The following RHEB variants were observed in gnomAD, a reference collection of about 807,000 sequenced individuals.
RHEB encodes the protein Ras homolog, mTORC1 binding.
RHEB carries 2 observed loss-of-function variants against 28.8 expected under a neutral mutation model. That is an observed-to-expected ratio of 0.07 (90% CI 0.03 to 0.22). RHEB has a LOEUF of 0.22. Among genes scored for constraint, RHEB ranks in the 10% least tolerant of loss-of-function variants. RHEB has a pLI of 1.00. For synonymous variants in RHEB, 69 were observed against 77.3 expected (o/e 0.89, Z 0.56); for missense variants, 76 against 219.9 (o/e 0.35, Z 4.14).
chr7:151,517,166 C>T (rs1242780224), intron 1 of RHEB, among the ~76,000 whole-genome samples: 1 of 152,114 alleles, frequency 6.6e-6, no homozygotes, highest in African/African-American at 2.4e-5. Flanking sequence ...GCGTTTGAGA[C>T]AAGCCTGACG....
chr7:151,490,730 T>C (rs917793140), intron 2 of RHEB, among the ~76,000 whole-genome samples: 2 of 152,214 alleles, frequency 1.3e-5, no homozygotes, highest in Admixed American at 6.5e-5. Flanking sequence ...TCCTACTGAC[T>C]TGAATTAATA....
chr7:151,517,369 G>GAAAA (rs1563103629), intron 1 of RHEB, among the ~76,000 whole-genome samples: 2 of 52,048 alleles, frequency 3.8e-5, no homozygotes, highest in Admixed American at 4.7e-4. Flanking sequence ...ACTCCGTCTC[G>GAAAA]GAAAAAAAAA....
At chr7:151,478,912 C>T (rs192066493) in intron 3 of RHEB, among the ~76,000 whole-genome samples, 4 of 151,808 alleles carry the variant, frequency 2.6e-5, no homozygotes, top group East Asian at 1.9e-4. Context: ...TGGGATTACA[C>T]GTGTGAGCCA....
intron 1 of RHEB, among the ~76,000 whole-genome samples, chr7:151,511,372 C>T (rs570489307): frequency 2.6e-5 from 4 of 152,270 alleles, no homozygotes; most frequent in African/African-American, 9.6e-5. Flanking sequence ...AAGAGAAATG[C>T]GGGAGAGAAA....
rs1802709163 is a variant in RHEB at position 151,498,303 on chromosome 7, CT to C, written c.53-7290del. ...GAAAGAAATCAAACATCAATGCAAC[CT>C]GCAGAATAGAACTCAATGAGTACCA... On this transcript the variant is annotated intron_variant, in intron 1 of 7. Transcript: ENST00000262187. The C allele has an allele frequency of 1.1e-5, 5 of 454,646 alleles. No individual in the cohort carries two copies. In the Admixed American group the frequency reaches 1.2e-4, roughly 11 times the overall value. The allele number at this position is 454,646 out of a possible 1,614,324, so 28.2% of individuals were successfully genotyped here. A position where few individuals can be genotyped will look rare whatever the true frequency, so the allele number is the denominator to read the frequency against.
At chr7:151,477,961 AAG>A (rs1357006508) in intron 3 of RHEB, among the ~76,000 whole-genome samples, 1 of 151,994 alleles carries the variant, frequency 6.6e-6, no homozygotes, top group Non-Finnish European at 1.5e-5. Context: ...GAAACAGAGA[AAG>A]AGAAAAGAGG....
chr7:151,484,666 TA>T, intron 3 of RHEB, 70 bp downstream of exon 3: 1 of 1,166,756 alleles, frequency 8.6e-7, no homozygotes, highest in Non-Finnish European at 1.3e-6. Context: ...CTGGTACTTT[TA>T]AAAATCAGTG....
At chr7:151,517,370 GAAAA>G (rs761761069) in intron 1 of RHEB, among the ~76,000 whole-genome samples, 1 of 61,662 alleles carries the variant, frequency 1.6e-5, no homozygotes, top group Admixed American at 1.8e-4. Context: ...CTCCGTCTCG[GAAAA>G]AAAAAAAAAA....
intron 6 of RHEB, 131 bp downstream of exon 6, chr7:151,471,263 G>A: frequency 1.5e-6 from 1 of 655,446 alleles, no homozygotes; most frequent in South Asian, 2.3e-5. Flanking sequence ...TGCTTCTGCT[G>A]CACACGACCA....
chr7:151,509,864 T>C (rs1186467443), intron 1 of RHEB, among the ~76,000 whole-genome samples: 2 of 152,234 alleles, frequency 1.3e-5, no homozygotes, highest in African/African-American at 4.8e-5. Flanking sequence ...TGATGTATTG[T>C]CTGTGGCTGC....
rs768036177 is a variant in RHEB, at chr7:151,467,228, A to G, written c.463-17T>C. On this transcript the variant is annotated splice_polypyrimidine_tract_variant and intron_variant, in intron 7 of 7. Coordinates refer to ENST00000262187, the MANE Select transcript of RHEB (RefSeq NM_005614.4). ...CACAGCAGTCTGAAAAGAGAAAGAAACCCAATCACAGTGTTAGTGTGAAGC... is the reference window on the plus strand; with the variant it reads ...CACAGCAGTCTGAAAAGAGAAAGAAGCCCAATCACAGTGTTAGTGTGAAGC... The G allele has an allele frequency of 6.3e-7, 1 of 1,580,032 alleles. No individual in the cohort carries two copies. Among genetic ancestry groups the G allele is most frequent in the South Asian group, 1.1e-5 (1 of 90,346 alleles).
In RHEB at chr7:151,468,837, G is replaced by A. The variant is rs951308550; in HGVS notation, c.463-1626C>T. 6.6e-6 allele frequency among the ~76,000 whole-genome samples: 1 copy of A among 152,230 alleles called. No individual in the cohort carries two copies. The highest frequency in any genetic ancestry group is 6.5e-5 in the Admixed American group (1 of 15,288). Reference sequence around the variant, plus strand: ...CTTCAGATCACCTGATTGACAGGAAGCAGTGTGTAGAGAAAAAAGGACTAG... The same window carrying A: ...CTTCAGATCACCTGATTGACAGGAAACAGTGTGTAGAGAAAAAAGGACTAG... On this transcript the variant is annotated intron_variant, in intron 7 of 7. Coordinates refer to ENST00000262187, the MANE Select transcript of RHEB (RefSeq NM_005614.4). This position sits in a 1 kb window ranked among gnomAD's most constrained non-coding sequence, Gnocchi z 4.3.
chr7:151,471,742 T>G (rs1163966255), intron 4 of RHEB, 137 bp from the exon 5 acceptor site: 1 of 626,616 alleles, frequency 1.6e-6, no homozygotes, highest in East Asian at 2.8e-5. Context: ...CACAAAGAAC[T>G]CCTGTTTTTT....
intron 3 of RHEB, among the ~76,000 whole-genome samples, chr7:151,477,934 G>C (rs1484922169): frequency 1.3e-5 from 2 of 151,988 alleles, no homozygotes; most frequent in African/African-American, 4.8e-5. Context: ...GAGGGAGGGA[G>C]GTGGGGGAGA....
chr7:151,495,921 C>T (rs1397034035), intron 1 of RHEB, among the ~76,000 whole-genome samples: 2 of 152,216 alleles, frequency 1.3e-5, no homozygotes, highest in African/African-American at 4.8e-5. Flanking sequence ...CACTGCACTC[C>T]AGCCACGGTC....
chr7:151,477,591 G>A lies in RHEB; in HGVS notation c.193-176C>T, dbSNP rs76027258. Among the ~76,000 whole-genome samples, 546 of 152,290 alleles carry A rather than the reference G, an allele frequency of 3.6e-3. 4 individuals carry two copies. The highest frequency in any genetic ancestry group is 0.012 in the African/African-American group (512 of 41,548). ...TTAAGAATGGCCTGGAGGTGATAAT[G>A]TGGTTCAAGCCAATATTTAAAAATG... On this transcript the variant is annotated intron_variant, in intron 3 of 7. Coordinates refer to ENST00000262187, the MANE Select transcript of RHEB (RefSeq NM_005614.4).
intron 1 of RHEB, among the ~76,000 whole-genome samples, chr7:151,516,359 T>G (rs955376962): frequency 6.6e-6 from 1 of 151,880 alleles, no homozygotes; most frequent in African/African-American, 2.4e-5. Flanking sequence ...GTGCAGTGAC[T>G]CATGCCTGTA....
intron 3 of RHEB, among the ~76,000 whole-genome samples, chr7:151,482,204 T>C (rs1802390599): frequency 6.6e-6 from 1 of 152,204 alleles, no homozygotes; most frequent in South Asian, 2.1e-4. Context: ...ATGCCAGTTA[T>C]CACTATTTAT....
At chr7:151,499,490 G>A (rs913536010) in intron 1 of RHEB, among the ~76,000 whole-genome samples, 5 of 152,262 alleles carry the variant, frequency 3.3e-5, no homozygotes, top group African/African-American at 9.6e-5. Context: ...GAAGTTAAGC[G>A]CTCTGGGCCT....
Sources: allele counts gnomAD v4.1 joint callset (sites outside exome capture counted in the v4.1 genomes callset), GRCh38; gene constraint gnomAD v4.1.1; non-coding constraint Gnocchi (gnomAD v3.1); transcripts MANE v1.5; gene names NCBI Gene and HGNC (gene_info 2026-07-23, HGNC 2026-07-21).